Variants in FBXL15 observed in about 807,000 individuals in gnomAD.
FBXL15 encodes F-box/LRR-repeat protein 15.
In FBXL15, 19 loss-of-function variants were observed where a neutral mutation model predicts 23.6. The observed-to-expected ratio is 0.81, with a 90% CI of 0.56 to 1.18. The LOEUF (loss-of-function observed/expected upper bound fraction) is 1.18, where lower values mean the gene tolerates loss of function less well. FBXL15 is among the 50% of genes most tolerant of loss of function. The probability of loss-of-function intolerance (pLI) is 0.00; values close to 1 mark genes in which losing one functional copy is unlikely to be tolerated. For missense variants in FBXL15, 385 were observed against 425.4 expected, an observed-to-expected ratio of 0.91 and a Z score of 0.83; for synonymous variants, 224 against 207.7, an observed-to-expected ratio of 1.08 and a Z score of -0.67.
At position 102,421,390 on chromosome 10, in the gene FBXL15, A is replaced by G. The variant is rs1192860604; in HGVS notation, c.90A>G (p.Pro30=). 2 of 1,573,696 alleles carry G rather than the reference A, an allele frequency of 1.3e-6. No homozygotes were observed. The highest frequency in any genetic ancestry group is 1.2e-5 in the South Asian group (1 of 86,820). The change falls in exon 2 of 4, where the codon CCA becomes CCG. Residue 30 remains proline (P), a synonymous_variant. Transcript: ENST00000369956. ...TGCCCTGGGAAGACGTGCTGCTCCC[A>G]CACGTCCTGAACCGGGTCCCGCTGC... is the stretch of plus-strand genomic sequence containing the variant. ...LDLPWEDVLL[P]HVLNRVPLRQ...
At position 102,421,078 on chromosome 10, in the gene FBXL15, A is replaced by G. The variant is rs1340149309; in HGVS notation, c.-52A>G. On this transcript the variant is annotated 5_prime_UTR_variant, in exon 1 of 4. Transcript: ENST00000369956. ...CCAAGGAGGCGGGTTTGGTGCGGCC[A>G]CTCCAAGGCCAAAGCGAGAAAATCT... The G allele has an allele frequency of 6.4e-7, 1 of 1,572,960 alleles. No homozygotes were observed. The highest frequency in any genetic ancestry group is 8.6e-7 in the Non-Finnish European group (1 of 1,158,308).
rs779337694 is a variant in FBXL15 at position 102,421,110 on chromosome 10, G to A, written c.-20G>A. The A allele has an allele frequency of 6.2e-6, 10 of 1,602,534 alleles. No homozygotes were observed. The Admixed American group carries it at 1.7e-4, about 27-fold the overall frequency. The stretch of plus-strand genomic sequence containing the variant: ...GGCCAAAGCGAGAAAATCTTACTGC[G>A]CACGCGCAATAGACAGCCGATGGAG... On this transcript the variant is annotated 5_prime_UTR_variant, in exon 1 of 4. Coordinates refer to ENST00000369956, the MANE Select transcript of FBXL15 (RefSeq NM_024326.4).
At chr10:102,421,745 G>T (rs932218715) in intron 2 of FBXL15, 42 bp from the exon 3 acceptor site, 5 of 1,522,122 alleles carry the variant, frequency 3.3e-6, no homozygotes, top group Non-Finnish European at 4.4e-6. Context: ...CGGCTGAGGA[G>T]TGCGGGACGG....
At position 102,421,191 on chromosome 10, in the gene FBXL15, C is replaced by T; in HGVS notation, c.53+9C>T. 6.2e-7 allele frequency: 1 copy of T among 1,607,708 alleles called. No homozygotes were observed. The highest frequency in any genetic ancestry group is 1.1e-5 in the South Asian group (1 of 90,108). ...GAGCCCGGAGCCGTCAGGTACCGAG[C>T]ACCGGAGGGGCCGAGAGGGAAGAGG... On this transcript the variant is annotated intron_variant, in intron 1 of 3. Transcript: ENST00000369956.
chr10:102,421,473 A>G lies in FBXL15; in HGVS notation c.173A>G (p.His58Arg), dbSNP rs1042946525. 6.6e-7 allele frequency: 1 copy of G among 1,505,780 alleles called. No homozygotes were observed. 93.3% of individuals were successfully genotyped at this position (1,505,780 alleles called of 1,614,324 possible). The change falls in exon 2 of 4, where the codon CAC becomes CGC. Residue 58 changes from histidine (H) to arginine (R), a missense_variant. Physicochemically the swap from His to Arg is conservative, Grantham distance 29. This residue lies in a region of FBXL15 where 130 missense variants were observed against 95.1 expected (regional missense o/e 1.37). Transcript: ENST00000369956. ...SRAFRSLVQL[H>R]LAGLRRFDAA... ...GCCTTCCGGTCGCTGGTGCAGCTTCACCTGGCCGGGCTGCGTCGCTTCGAT... is the reference window on the plus strand; with the variant it reads ...GCCTTCCGGTCGCTGGTGCAGCTTCGCCTGGCCGGGCTGCGTCGCTTCGAT...
chr10:102,422,682 G>C (rs1280918358), intron 3 of FBXL15, 122 bp from the exon 4 acceptor site: 37 of 1,079,348 alleles, frequency 3.4e-5, no homozygotes, highest in Non-Finnish European at 4.3e-5. Flanking sequence ...CCTGCCCCGA[G>C]CTGGAGGGAG....
At position 102,422,056 on chromosome 10, in the gene FBXL15, C is replaced by T. The variant is rs748352751; in HGVS notation, c.477C>T (p.Arg159=). The T allele has an allele frequency of 2.5e-6, 4 of 1,590,510 alleles. No individual in the cohort carries two copies. The Admixed American group carries it at 6.8e-5, about 27-fold the overall frequency. ...ACTGGGTGGACGGGCTGGCGCTGCG[C>T]GGCCTCGCTGATCGCTGCCCGGCCC... ...HCDWVDGLAL[R]GLADRCPALE... is the part of the protein sequence containing the mutation. The change falls in exon 3 of 4, where the codon CGC becomes CGT. Residue 159 remains arginine (R), a synonymous_variant. Transcript: ENST00000369956.
Position 102,422,209 on chromosome 10 carries a change from G to C in FBXL15, c.630G>C (p.Ala210=), listed in dbSNP as rs528124042. Residue 210 remains alanine, a synonymous_variant, in exon 3 of 4, where the codon GCG becomes GCC. Coordinates refer to ENST00000369956, the MANE Select transcript of FBXL15 (RefSeq NM_024326.4). ...TCAACGCCAACGTGGGGGACGCCGC[G>C]GTTCAAGAGTTGGCTCGGAACTGCC... ...LAVNANVGDA[A]VQELARNCPE... The C allele has an allele frequency of 5.2e-6, 8 of 1,531,352 alleles. No individual in the cohort carries two copies. Among genetic ancestry groups the C allele is most frequent in the East Asian group, 2.3e-5 (1 of 42,674 alleles). 94.9% of individuals were successfully genotyped at this position (1,531,352 alleles called of 1,614,324 possible).
rs201688038 is a variant in FBXL15 at position 102,421,037 on chromosome 10, G to C, written c.-93G>C. On this transcript the variant is annotated 5_prime_UTR_variant, in exon 1 of 4. Coordinates refer to ENST00000369956, the MANE Select transcript of FBXL15 (RefSeq NM_024326.4). ...CGGTGAGACGGCACTCGATTAAATA[G>C]GTCTGTCTCTACAGGCCAAGGAGGC... 1 of 1,551,702 alleles carries C rather than the reference G, an allele frequency of 6.4e-7. No individual in the cohort carries two copies. Among genetic ancestry groups the C allele is most frequent in the African/African-American group, 1.4e-5 (1 of 73,098 alleles).
Position 102,421,385 on chromosome 10 carries a change from C to CT in FBXL15, c.86dup (p.His31ThrfsTer18). ...GGACCTGCCCTGGGAAGACGTGCTG[C>CT]TCCCACACGTCCTGAACCGGGTCCC... On this transcript the variant is annotated frameshift_variant, in exon 2 of 4. Coordinates refer to ENST00000369956, the MANE Select transcript of FBXL15 (RefSeq NM_024326.4). LOFTEE classifies it high-confidence loss of function. 6.4e-7 allele frequency: 1 copy of CT among 1,570,056 alleles called. No homozygotes were observed. Among genetic ancestry groups the CT allele is most frequent in the South Asian group, 1.2e-5 (1 of 86,450 alleles).
At position 102,422,805 on chromosome 10, in the gene FBXL15, A is replaced by G. The variant is rs1467255915; in HGVS notation, c.715A>G (p.Thr239Ala). 6.2e-7 allele frequency: 1 copy of G among 1,602,766 alleles called. No homozygotes were observed. ...CLRVGSDGVR[T>A]LAEYCPVLRS... ...AGCCTCACCCTGCTCCTCCCTCAGG[A>G]CATTGGCCGAGTACTGCCCCGTGCT... Residue 239 changes from threonine (T) to alanine (A), a missense_variant and splice_region_variant, in exon 4 of 4, where the codon ACA (threonine) becomes GCA (alanine). Thr to Ala is a moderately conservative substitution (Grantham distance 58). Coordinates refer to ENST00000369956, the MANE Select transcript of FBXL15 (RefSeq NM_024326.4).
At position 102,422,219 on chromosome 10, in the gene FBXL15, T is replaced by C; in HGVS notation, c.640T>C (p.Leu214=). ...ANVGDAAVQE[L]ARNCPELHHL... ...CGTGGGGGACGCCGCGGTTCAAGAG[T>C]TGGCTCGGAACTGCCCAGAACTCCA... is the stretch of plus-strand genomic sequence containing the variant. The change falls in exon 3 of 4, where the codon TTG becomes CTG. Residue 214 remains leucine (L), a synonymous_variant. Coordinates refer to ENST00000369956, the MANE Select transcript of FBXL15 (RefSeq NM_024326.4). 1 of 1,529,980 alleles carries C rather than the reference T, an allele frequency of 6.5e-7. No individual in the cohort carries two copies. 94.8% of individuals were successfully genotyped at this position (1,529,980 alleles called of 1,614,324 possible). A position where few individuals can be genotyped will look rare whatever the true frequency, so the allele number is the denominator to read the frequency against.
rs554418261 is a variant in FBXL15, at chr10:102,420,935, C to T, written c.-195C>T. On this transcript the variant is annotated 5_prime_UTR_variant, in exon 1 of 4. Transcript: ENST00000369956. Reference sequence around the variant, plus strand: ...GCCTCAAGCCCTGTAGCCGAGAAGGCGAGGCCTAATGTTACACCACCGGTC... The same window carrying T: ...GCCTCAAGCCCTGTAGCCGAGAAGGTGAGGCCTAATGTTACACCACCGGTC... 2.2e-5 allele frequency: 32 copies of T among 1,455,576 alleles called. No homozygotes were observed. In the East Asian group the frequency reaches 7.6e-4, roughly 35 times the overall value. 90.2% of individuals were successfully genotyped at this position (1,455,576 alleles called of 1,614,324 possible). A position where few individuals can be genotyped will look rare whatever the true frequency, so the allele number is the denominator to read the frequency against.
At chr10:102,421,593 A>ACCGT in intron 2 of FBXL15, 86 bp downstream of exon 2, 2 of 1,429,952 alleles carry the variant, frequency 1.4e-6, no homozygotes, top group Middle Eastern at 2.6e-4. Flanking sequence ...GCCCTTCTGG[A>ACCGT]CCCCCTTGGG....
Position 102,420,965 on chromosome 10 carries a change from C to A in FBXL15, c.-165C>A. The A allele has an allele frequency of 6.6e-7, 1 of 1,512,346 alleles. No individual in the cohort carries two copies. 93.7% of individuals were successfully genotyped at this position (1,512,346 alleles called of 1,614,324 possible). ...CCTAATGTTACACCACCGGTCTGTT[C>A]CGCCTCCGTTTCGGGGTCCACCCGA... On this transcript the variant is annotated 5_prime_UTR_variant, in exon 1 of 4. Coordinates refer to ENST00000369956, the MANE Select transcript of FBXL15 (RefSeq NM_024326.4).
At position 102,421,811 on chromosome 10, in the gene FBXL15, G is replaced by A; in HGVS notation, c.232G>A (p.Ala78Thr). ...GGTGGGTCCGCAGATCCCGCGGGCC[G>A]CATTGGCCCGGCTGCTGCGGGATGC... The part of the protein sequence containing the change: ...AQVGPQIPRA[A>T]LARLLRDAEG... The change falls in exon 3 of 4, where the codon GCA (alanine) becomes ACA (threonine). Residue 78 changes from alanine to threonine, a missense_variant. By Grantham distance (58) the Ala-to-Thr change is moderately conservative. Around this residue, in one of 2 missense-constraint regions of FBXL15, gnomAD observed 255 missense variants for 330.2 expected, o/e 0.77. Transcript: ENST00000369956. The A allele has an allele frequency of 6.4e-7, 1 of 1,565,222 alleles. No individual in the cohort carries two copies. The highest frequency in any genetic ancestry group is 8.6e-7 in the Non-Finnish European group (1 of 1,161,684).
At chr10:102,421,583 G>A in intron 2 of FBXL15, 76 bp downstream of exon 2, 2 of 1,434,362 alleles carry the variant, frequency 1.4e-6, no homozygotes, top group East Asian at 5.0e-5. Flanking sequence ...CCCGCAGTAT[G>A]CCCTTCTGGA....
At chr10:102,421,304 C>G (rs760332212) in intron 1 of FBXL15, 50 bp from the exon 2 acceptor site, 10 of 1,556,854 alleles carry the variant, frequency 6.4e-6, no homozygotes, top group Non-Finnish European at 7.8e-6. Flanking sequence ...GGCGGACTCG[C>G]AGGTAATAGT....
In FBXL15 at chr10:102,421,904, G is replaced by T; in HGVS notation, c.325G>T (p.Val109Leu). The T allele has an allele frequency of 6.2e-7, 1 of 1,606,110 alleles. No individual in the cohort carries two copies. The highest frequency in any genetic ancestry group is 1.1e-5 in the South Asian group (1 of 90,700). The change falls in exon 3 of 4, where the codon GTG becomes TTG. Residue 109 changes from valine to leucine, a missense_variant. By Grantham distance (32) the Val-to-Leu change is conservative. Coordinates refer to ENST00000369956, the MANE Select transcript of FBXL15 (RefSeq NM_024326.4). ...EWLSDEDLVPVLARNPQLRSV... is the reference protein window; with the variant it reads ...EWLSDEDLVPLLARNPQLRSV... ...GCTGTCAGACGAGGACCTGGTGCCG[G>T]TGCTGGCGCGGAATCCGCAGCTGCG...
Sources: gnomAD v4.1 joint callset for allele counts on GRCh38, gnomAD v4.1.1 for gene constraint, gnomAD v4.1.1 regional missense constraint, MANE v1.5 for transcripts, NCBI Gene and HGNC (gene_info 2026-07-23, HGNC 2026-07-21) for gene names.